SLC19A1: variants seen among roughly 807,000 people sequenced by gnomAD.
The protein encoded by SLC19A1 is solute carrier family 19 member 1.
In SLC19A1, 37 loss-of-function variants were observed where a neutral mutation model predicts 35.3. That is an observed-to-expected ratio of 1.05 (90% CI 0.81 to 1.38). SLC19A1 has a LOEUF of 1.38. SLC19A1 is among the 40% of genes most tolerant of loss of function. The pLI is 0.00. For missense variants in SLC19A1, 831 were observed against 826.9 expected, an observed-to-expected ratio of 1.00 and a Z score of -0.06; for synonymous variants, 460 against 398.5, an observed-to-expected ratio of 1.15 and a Z score of -1.84.
At chr21:45,525,495 C>T (rs1568985959) in intron 5 of SLC19A1, among the ~76,000 whole-genome samples, 1 of 152,266 alleles carries the variant, frequency 6.6e-6, no homozygotes, top group Non-Finnish European at 1.5e-5. Flanking sequence ...GGCCTCCAGC[C>T]AGGGCTCAAG....
At chr21:45,550,980 T>G (rs899129338) in intron 1 of SLC19A1, among the ~76,000 whole-genome samples, 2 of 133,810 alleles carry the variant, frequency 1.5e-5, no homozygotes, top group Non-Finnish European at 3.2e-5. Context: ...GGCCCCCGCC[T>G]CCATTCTCCT....
At chr21:45,543,554 C>T (rs1391709162), upstream of SLC19A1, among the ~76,000 whole-genome samples, 3 of 152,350 alleles carry the variant, frequency 2.0e-5, no homozygotes, top group African/African-American at 4.8e-5. Context: ...CTTGGTCTCC[C>T]GCCCACCAGC....
At position 45,514,492 on chromosome 21, in the gene SLC19A1, G is replaced by A. The variant is rs543251515; in HGVS notation, c.*1166C>T. ...CCAGAGATTCTCTCCCCAGCTCTCC[G>A]TGCTGAGCAGCCAGCCATTCACCTG... On this transcript the variant is annotated 3_prime_UTR_variant, in exon 6 of 6. Coordinates refer to ENST00000311124, the MANE Select transcript of SLC19A1 (RefSeq NM_194255.4). The A allele has an allele frequency of 5.9e-3, 896 of 152,216 alleles. 15 individuals are homozygous for A. The highest frequency in any genetic ancestry group is 0.021 in the African/African-American group (858 of 41,342). 9.4% of individuals were successfully genotyped at this position (152,216 alleles called of 1,614,324 possible). A position where few individuals can be genotyped will look rare whatever the true frequency, so the allele number is the denominator to read the frequency against.
At chr21:45,555,788 C>T (rs1436519877) in intron 1 of SLC19A1, among the ~76,000 whole-genome samples, 2 of 152,176 alleles carry the variant, frequency 1.3e-5, no homozygotes, top group East Asian at 3.9e-4. Flanking sequence ...AGCCGAGGGG[C>T]CCGGCTGCCG....
Position 45,515,144 on chromosome 21 carries a change from T to C in SLC19A1, c.*514A>G, listed in dbSNP as rs1391750503. 6.5e-7 allele frequency: 1 copy of C among 1,527,756 alleles called. No homozygotes were observed. Among genetic ancestry groups the C allele is most frequent in the Non-Finnish European group, 8.8e-7 (1 of 1,140,610 alleles). The allele number at this position is 1,527,756 out of a possible 1,614,324, so 94.6% of individuals were successfully genotyped here. ...ACAGAGACAGAGAAGCCACATGCAG[T>C]TCTTCATTCTACGTCAGTTAAAAAA... On this transcript the variant is annotated 3_prime_UTR_variant, in exon 6 of 6. Coordinates refer to ENST00000311124, the MANE Select transcript of SLC19A1 (RefSeq NM_194255.4).
rs74881750 is a variant in SLC19A1 at position 45,506,189 on chromosome 21, A to G, written c.498-7577T>C. On this transcript the variant is annotated intron_variant, in intron 3 of 4. Coordinates refer to the SLC19A1 transcript ENST00000417954. ...CAAGCTTCTGAAAGTGGATGAACAC[A>G]TGGCGTGTGAGGGGCTCCTGGTGGG... 1.1e-3 allele frequency: 641 copies of G among 608,984 alleles called. 7 individuals carry two copies. In the East Asian group the frequency reaches 0.016, roughly 15 times the overall value. The allele number at this position is 608,984 out of a possible 1,614,324, so 37.7% of individuals were successfully genotyped here.
At chr21:45,550,635 T>TGGCCTTGCAGGCCC (rs1409253599) in intron 1 of SLC19A1, among the ~76,000 whole-genome samples, 2 of 152,240 alleles carry the variant, frequency 1.3e-5, no homozygotes, top group Non-Finnish European at 2.9e-5. Flanking sequence ...CCGGGAGGCT[T>TGGCCTTGCAGGCCC]GGCCTTGCAG....
intron 2 of SLC19A1, 80 bp from the exon 3 acceptor site, chr21:45,532,228 G>T: frequency 8.4e-7 from 1 of 1,186,442 alleles, no homozygotes; most frequent in Non-Finnish European, 1.2e-6. Context: ...CGAGGTGATG[G>T]CTGCTGACGG....
chr21:45,509,775 G>C (rs554794110), downstream of SLC19A1, among the ~76,000 whole-genome samples: 2 of 152,318 alleles, frequency 1.3e-5, no homozygotes, highest in East Asian at 3.9e-4. Flanking sequence ...TTGCCCTCTG[G>C]TGGCCAAGCA....
downstream of SLC19A1, among the ~76,000 whole-genome samples, chr21:45,507,939 C>T (rs1420799448): frequency 2.0e-5 from 3 of 152,336 alleles, no homozygotes; most frequent in East Asian, 1.9e-4. Context: ...AAGTGCCAGA[C>T]ACAAGAATGG....
At chr21:45,535,510 G>A (rs767083526) in intron 2 of SLC19A1, among the ~76,000 whole-genome samples, 3 of 152,194 alleles carry the variant, frequency 2.0e-5, no homozygotes, top group Admixed American at 1.3e-4. Context: ...GCAAATGTGA[G>A]CAAAGGAAAC....
At chr21:45,562,001 G>A (rs2078619243) in intron 1 of SLC19A1, among the ~76,000 whole-genome samples, 1 of 149,362 alleles carries the variant, frequency 6.7e-6, no homozygotes, top group African/African-American at 2.5e-5. Flanking sequence ...CATGGTGGCG[G>A]GCGCCTGTAA....
At position 45,556,955 on chromosome 21, in the gene SLC19A1, C is replaced by G. The variant is rs145193141; in HGVS notation, c.-50+5787G>C. Among the ~76,000 whole-genome samples the G allele has an allele frequency of 3.4e-3, 525 of 152,240 alleles. 10 individuals are homozygous for G. The highest frequency in any genetic ancestry group is 0.011 in the African/African-American group (470 of 41,524). On this transcript the variant is annotated intron_variant, in intron 1 of 5. Coordinates refer to the SLC19A1 transcript ENST00000650808. ...CAGACGCATGTGTCTCCTGGGACGG[C>G]GACTCAGATGCATGTGTCTCCTGGG...
Position 45,532,060 on chromosome 21 carries a change from G to A in SLC19A1, c.278C>T (p.Thr93Met), listed in dbSNP as rs1210684537. Residue 93 changes from threonine to methionine, a missense_variant, in exon 3 of 6, where the codon ACG becomes ATG. By Grantham distance (81) the Thr-to-Met change is moderately conservative. Coordinates refer to ENST00000311124, the MANE Select transcript of SLC19A1 (RefSeq NM_194255.4). ...GAGCCCCTGCAGCAGCAGCACCGGCGTGTAGCGCAGGTAGTCGGTGAGCAG... is the reference window on the plus strand; with the variant it reads ...GAGCCCCTGCAGCAGCAGCACCGGCATGTAGCGCAGGTAGTCGGTGAGCAG... ...VFLLTDYLRYTPVLLLQGLSF... is the reference protein window; with the variant it reads ...VFLLTDYLRYMPVLLLQGLSF... The A allele has an allele frequency of 6.2e-7, 1 of 1,612,578 alleles. No individual in the cohort carries two copies. Among genetic ancestry groups the A allele is most frequent in the East Asian group, 2.2e-5 (1 of 44,880 alleles).
intron 5 of SLC19A1, among the ~76,000 whole-genome samples, chr21:45,524,056 T>G (rs1328684502): frequency 6.6e-6 from 1 of 151,934 alleles, no homozygotes; most frequent in Non-Finnish European, 1.5e-5. Flanking sequence ...GAGACTCACC[T>G]GTCCTGAGCG....
chr21:45,535,592 C>T (rs2078083879), intron 2 of SLC19A1, among the ~76,000 whole-genome samples: 1 of 152,200 alleles, frequency 6.6e-6, no homozygotes, highest in South Asian at 2.1e-4. Flanking sequence ...ACGTGGGCAG[C>T]CCGTGGCAGG....
intron 3 of SLC19A1, chr21:45,506,470 G>C: frequency 3.8e-6 from 1 of 263,458 alleles, no homozygotes; most frequent in Admixed American, 5.0e-5. Flanking sequence ...AGACACACCT[G>C]GGATTGCCCC....
At chr21:45,527,214 C>T (rs564964281) in intron 4 of SLC19A1, among the ~76,000 whole-genome samples, 1 of 130,554 alleles carries the variant, frequency 7.7e-6, no homozygotes, top group Non-Finnish European at 1.6e-5. Context: ...CCCGGGAGGG[C>T]CCTGGAGGTG....
chr21:45,535,584 G>A (rs892186019), intron 2 of SLC19A1, among the ~76,000 whole-genome samples: 2 of 152,222 alleles, frequency 1.3e-5, no homozygotes, highest in Non-Finnish European at 2.9e-5. Context: ...TGAGGGGAAC[G>A]TGGGCAGCCC....
Sources: allele counts gnomAD v4.1 joint callset (sites outside exome capture counted in the v4.1 genomes callset), GRCh38; gene constraint gnomAD v4.1.1; transcripts MANE v1.5; gene names NCBI Gene and HGNC (gene_info 2026-07-23, HGNC 2026-07-21).